The following ASTN2 variants were observed in gnomAD, a reference collection of about 807,000 sequenced individuals.
ASTN2 encodes the protein astrotactin-2.
In ASTN2, 54 loss-of-function variants were observed where a neutral mutation model predicts 139.8. That is an observed-to-expected ratio of 0.39 (90% CI 0.31 to 0.48). The LOEUF (loss-of-function observed/expected upper bound fraction) is 0.48, where lower values mean the gene tolerates loss of function less well. Among genes scored for constraint, ASTN2 ranks in the 20% least tolerant of loss-of-function variants. The pLI is 0.95. For synonymous variants in ASTN2, 756 were observed against 719.5 expected (o/e 1.05, Z -0.81); for missense variants, 1,565 against 1,725.1 (o/e 0.91, Z 1.64).
At chr9:116,552,531 C>A (rs1852399961) in intron 19 of ASTN2, among the ~76,000 whole-genome samples, 1 of 152,154 alleles carries the variant, frequency 6.6e-6, no homozygotes, top group Admixed American at 6.5e-5. Flanking sequence ...TGCCTACAGT[C>A]TAATAACATC....
At chr9:116,599,428 A>C (rs555008824) in intron 19 of ASTN2, among the ~76,000 whole-genome samples, 2 of 152,364 alleles carry the variant, frequency 1.3e-5, no homozygotes, top group East Asian at 3.9e-4. Flanking sequence ...AGTAAAGGGG[A>C]TGAATGATTA....
intron 19 of ASTN2, among the ~76,000 whole-genome samples, chr9:116,564,747 T>A (rs1432051270): frequency 1.3e-5 from 2 of 152,128 alleles, no homozygotes; most frequent in Admixed American, 1.3e-4. Context: ...TATTTTTTCA[T>A]ATAGTCATAT....
At chr9:116,593,109 A>G (rs1228001781) in intron 19 of ASTN2, among the ~76,000 whole-genome samples, 3 of 152,226 alleles carry the variant, frequency 2.0e-5, no homozygotes, top group African/African-American at 7.2e-5. Context: ...TGAAGGAACA[A>G]AAGAAAAGCC....
chr9:116,937,994 C>A (rs896661259), intron 10 of ASTN2, among the ~76,000 whole-genome samples: 1 of 152,128 alleles, frequency 6.6e-6, no homozygotes, highest in African/African-American at 2.4e-5. Context: ...TTCTCGGCAA[C>A]CTTTGTGAGA....
chr9:117,312,589 A>G (rs998633661), intron 1 of ASTN2, among the ~76,000 whole-genome samples: 21 of 152,228 alleles, frequency 1.4e-4, no homozygotes, highest in Non-Finnish European at 2.8e-4. Flanking sequence ...AATCAGAAGC[A>G]AAAGACAGAA....
At chr9:117,055,357 C>T (rs1839028051) in intron 5 of ASTN2, among the ~76,000 whole-genome samples, 1 of 152,138 alleles carries the variant, frequency 6.6e-6, no homozygotes, top group Admixed American at 6.6e-5. Context: ...AGGCTCATGC[C>T]TGTAATCCCA....
intron 11 of ASTN2, among the ~76,000 whole-genome samples, chr9:116,838,644 C>T (rs1310452082): frequency 2.7e-5 from 4 of 147,572 alleles, no homozygotes; most frequent in South Asian, 2.1e-4. Context: ...AGGCTGATCT[C>T]GAACTCCTGA....
intron 13 of ASTN2, among the ~76,000 whole-genome samples, chr9:116,780,456 G>A (rs1335218622): frequency 6.6e-6 from 1 of 152,152 alleles, no homozygotes; most frequent in Non-Finnish European, 1.5e-5. Context: ...AGCGACCTTG[G>A]TTTAGGATTA....
At chr9:116,753,630 A>C (rs540481730) in intron 13 of ASTN2, among the ~76,000 whole-genome samples, 37 of 152,320 alleles carry the variant, frequency 2.4e-4, no homozygotes, top group African/African-American at 8.2e-4. Flanking sequence ...AGAGCTCTGT[A>C]CTTCCTGCTT....
intron 19 of ASTN2, among the ~76,000 whole-genome samples, chr9:116,596,500 G>A (rs528636331): frequency 6.6e-6 from 1 of 152,192 alleles, no homozygotes; most frequent in African/African-American, 2.4e-5. Context: ...TATTGGAGGC[G>A]ATGGGTATGT....
intron 17 of ASTN2, among the ~76,000 whole-genome samples, chr9:116,629,691 T>G (rs1856640999): frequency 6.6e-6 from 1 of 152,096 alleles, no homozygotes; most frequent in East Asian, 1.9e-4. Context: ...GACACCTAAT[T>G]TCCCCTGTCA....
intron 5 of ASTN2, among the ~76,000 whole-genome samples, chr9:117,075,289 A>T (rs1828249369): frequency 6.6e-6 from 1 of 152,054 alleles, no homozygotes; most frequent in African/African-American, 2.4e-5. Context: ...AGCCCCAGGG[A>T]GTGATTTATC....
chr9:117,368,109 C>A (rs1829893924), intron 1 of ASTN2, among the ~76,000 whole-genome samples: 1 of 152,098 alleles, frequency 6.6e-6, no homozygotes, highest in Non-Finnish European at 1.5e-5. Flanking sequence ...AGTCAGCAGA[C>A]TTTAAGCAGC....
intron 7 of ASTN2, among the ~76,000 whole-genome samples, chr9:116,989,819 G>C (rs1836797087): frequency 1.3e-5 from 2 of 151,986 alleles, no homozygotes; most frequent in Non-Finnish European, 2.9e-5. Flanking sequence ...CCTGACCTCA[G>C]GTGATCCGCC....
chr9:116,871,968 A>G (rs923476557), intron 10 of ASTN2, among the ~76,000 whole-genome samples: 7 of 152,044 alleles, frequency 4.6e-5, no homozygotes, highest in Non-Finnish European at 1.0e-4. Context: ...GACCTTGGGC[A>G]AGCCTCTTCT....
At chr9:116,462,086 C>T (rs759575782) in intron 20 of ASTN2, among the ~76,000 whole-genome samples, 3 of 152,086 alleles carry the variant, frequency 2.0e-5, no homozygotes, top group Non-Finnish European at 1.5e-5. Flanking sequence ...CTCATCCAAC[C>T]GGTAATTGGC....
At chr9:117,140,256 T>C (rs1272652635) in intron 4 of ASTN2, among the ~76,000 whole-genome samples, 3 of 151,894 alleles carry the variant, frequency 2.0e-5, no homozygotes, top group South Asian at 2.1e-4. Context: ...GGAAAGACAG[T>C]GGAGAATAGA....
intron 13 of ASTN2, among the ~76,000 whole-genome samples, chr9:116,801,862 T>C (rs994913409): frequency 1.3e-5 from 2 of 151,956 alleles, no homozygotes; most frequent in Non-Finnish European, 2.9e-5. Context: ...TTGAGGGTCA[T>C]CAAAAGAGAA....
chr9:117,000,317 T>C (rs1837158999), intron 7 of ASTN2, among the ~76,000 whole-genome samples: 1 of 152,232 alleles, frequency 6.6e-6, no homozygotes, highest in Non-Finnish European at 1.5e-5. Flanking sequence ...AATTTAAACC[T>C]GGCTGTGTCT....
Sources: allele counts gnomAD v4.1 joint callset (sites outside exome capture counted in the v4.1 genomes callset), GRCh38; gene constraint gnomAD v4.1.1; transcripts MANE v1.5; gene names NCBI Gene and HGNC (gene_info 2026-07-23, HGNC 2026-07-21).